Variants in ULK2 observed in about 807,000 individuals in gnomAD.
ULK2 encodes the protein serine/threonine-protein kinase ULK2.
Under a neutral mutation model 127.5 loss-of-function variants are expected in ULK2, and 76 were observed. That is an observed-to-expected ratio of 0.60 (90% CI 0.50 to 0.72). The LOEUF (loss-of-function observed/expected upper bound fraction) is 0.72. Among genes scored for constraint, ULK2 ranks in the 30% least tolerant of loss-of-function variants. ULK2 has a pLI of 0.00. For missense variants in ULK2, 1,144 were observed against 1,295.9 expected (o/e 0.88, Z 1.80); for synonymous variants, 452 against 461.9 (o/e 0.98, Z 0.28).
chr17:19,864,280 C>G (rs1159597352), intron 3 of ULK2, among the ~76,000 whole-genome samples: 1 of 152,148 alleles, frequency 6.6e-6, no homozygotes, highest in Non-Finnish European at 1.5e-5. Flanking sequence ...CAAGCCTGGC[C>G]AACATGGTGA....
At position 19,806,451 on chromosome 17, in the gene ULK2, A is replaced by G. The variant is rs79483691; in HGVS notation, c.1158-1621T>C. On this transcript the variant is annotated intron_variant, in intron 14 of 26. Coordinates refer to ENST00000395544, the MANE Select transcript of ULK2 (RefSeq NM_014683.4). Reference sequence around the variant, plus strand: ...CCTCATAATTCTAAGCACCTCTCTCAGGTAATCTCAGCTGGCTTCTCTAAC... The same window carrying G: ...CCTCATAATTCTAAGCACCTCTCTCGGGTAATCTCAGCTGGCTTCTCTAAC... Among the ~76,000 whole-genome samples the G allele has an allele frequency of 5.1e-4, 78 of 152,306 alleles. No individual in the cohort carries two copies. In the East Asian group the frequency reaches 0.011, roughly 21 times the overall value.
At position 19,796,110 on chromosome 17, in the gene ULK2, T is replaced by C. The variant is rs1333270937; in HGVS notation, c.1982A>G (p.Lys661Arg). The C allele has an allele frequency of 6.2e-7, 1 of 1,612,868 alleles. No individual in the cohort carries two copies. The highest frequency in any genetic ancestry group is 1.3e-5 in the African/African-American group (1 of 74,994). ...SERQRAEQQS[K>R]AVFGRSVSTG... is the part of the protein sequence containing the mutation. ...AGTCTTTTACCTGCCAAACACTGCC[T>C]TGCTCTGCTGCTCGGCCCGCTGCCT... The change falls in exon 19 of 27, where the codon AAG becomes AGG. Residue 661 changes from lysine to arginine, a missense_variant. Transcript: ENST00000395544.
At position 19,780,609 on chromosome 17, in the gene ULK2, G is replaced by A. The variant is rs1179488802; in HGVS notation, c.2779C>T (p.Arg927Ter). ...CACATGGTGATGCAGAATTTATATC[G>A]TTCGTTCAGATTCTTGACAACTGAA... is the stretch of plus-strand genomic sequence containing the variant. ...VKQVVKNLNE[R>*]YKFCITMCKK... The change falls in exon 25 of 27, where the codon CGA becomes TGA. Residue 927 changes from arginine (R) to a stop codon, truncating the protein, a stop_gained. Coordinates refer to ENST00000395544, the MANE Select transcript of ULK2 (RefSeq NM_014683.4). LOFTEE classifies it high-confidence loss of function. 22 of 1,605,766 alleles carry A rather than the reference G, an allele frequency of 1.4e-5. No individual in the cohort carries two copies. The highest frequency in any genetic ancestry group is 1.8e-5 in the Non-Finnish European group (21 of 1,177,490).
intron 16 of ULK2, 149 bp downstream of exon 16, chr17:19,801,628 T>G: frequency 1.1e-6 from 1 of 940,372 alleles, no homozygotes; most frequent in South Asian, 1.7e-5. Context: ...GGAGTTGGGA[T>G]TGGGGTAAAG....
intron 5 of ULK2, among the ~76,000 whole-genome samples, chr17:19,847,346 C>A (rs1873175464): frequency 6.6e-6 from 1 of 152,172 alleles, no homozygotes; most frequent in African/African-American, 2.4e-5. Context: ...CAAGCAAAAT[C>A]TTTGACCAGA....
intron 8 of ULK2, 48 bp downstream of exon 8, chr17:19,843,073 A>T (rs1293769275): frequency 7.0e-7 from 1 of 1,425,522 alleles, no homozygotes. Flanking sequence ...CGCAACTATA[A>T]AATGACAAGA....
chr17:19,790,146 G>A (rs993435884), intron 20 of ULK2, among the ~76,000 whole-genome samples: 6 of 152,178 alleles, frequency 3.9e-5, no homozygotes, highest in Non-Finnish European at 8.8e-5. Flanking sequence ...GCCGGGAGTG[G>A]TGGCTCAAGC....
At chr17:19,857,785 A>T (rs1386914101) in intron 3 of ULK2, among the ~76,000 whole-genome samples, 1 of 152,152 alleles carries the variant, frequency 6.6e-6, no homozygotes, top group East Asian at 1.9e-4. Context: ...TAAAGATCAG[A>T]TCTGGCTCCT....
rs1209406157 is a variant in ULK2 at position 19,849,755 on chromosome 17, AAGAC to A, written c.241_244del (p.Val81PhefsTer3). On this transcript the variant is annotated frameshift_variant, in exon 4 of 27. Transcript: ENST00000395544. LOFTEE classifies it high-confidence loss of function. ...TATACTACCTACCTCCATCACCAAA[AAGAC>A]AGAGTTGGGTAATTCCTGAAAAGTA... 6.5e-7 allele frequency: 1 copy of A among 1,549,570 alleles called. No homozygotes were observed. The highest frequency in any genetic ancestry group is 1.7e-4 in the Middle Eastern group (1 of 5,860).
rs1423968194 is a variant in ULK2, at chr17:19,775,654, G to A, written c.*695C>T. The A allele has an allele frequency of 3.3e-5, 5 of 152,416 alleles. No individual in the cohort carries two copies. Among genetic ancestry groups the A allele is most frequent in the Non-Finnish European group, 7.4e-5 (5 of 68,020 alleles). The allele number at this position is 152,416 out of a possible 1,614,324, so 9.4% of individuals were successfully genotyped here. ...CACTGGAGATTACATGTGAATTCTG[G>A]AAAGGGTCTATGTATACAATCAAGT... On this transcript the variant is annotated 3_prime_UTR_variant, in exon 27 of 27. Coordinates refer to ENST00000395544, the MANE Select transcript of ULK2 (RefSeq NM_014683.4).
intron 16 of ULK2, among the ~76,000 whole-genome samples, chr17:19,800,127 C>G (rs2087365662): frequency 6.6e-6 from 1 of 152,214 alleles, no homozygotes; most frequent in Admixed American, 6.5e-5. Flanking sequence ...TGAGACTCTT[C>G]CTGGCCAGCT....
chr17:19,846,983 AT>A (rs2041899576), intron 5 of ULK2, 73 bp from the exon 6 acceptor site: 1 of 1,440,498 alleles, frequency 6.9e-7, no homozygotes, highest in African/African-American at 1.4e-5. Context: ...CATCAACAGG[AT>A]TGGGTTGTGA....
intron 13 of ULK2, among the ~76,000 whole-genome samples, chr17:19,815,735 T>C (rs2040972625): frequency 6.6e-6 from 1 of 152,232 alleles, no homozygotes. Context: ...TTAATTACTT[T>C]TGGTAAATAA....
chr17:19,849,701 A>C (rs2152399368), intron 4 of ULK2, 41 bp downstream of exon 4: 1 of 1,370,882 alleles, frequency 7.3e-7, no homozygotes, highest in East Asian at 2.5e-5. Flanking sequence ...AAAAAAAAAG[A>C]AATTTGAAAT....
chr17:19,848,146 AG>A (rs2041932377), intron 5 of ULK2: 1 of 152,210 alleles, frequency 6.6e-6, no homozygotes, highest in South Asian at 2.1e-4. Context: ...TATTAAAAAA[AG>A]AAAAAAATTA....
At chr17:19,835,638 A>G (rs1472599900) in intron 10 of ULK2, among the ~76,000 whole-genome samples, 1 of 149,540 alleles carries the variant, frequency 6.7e-6, no homozygotes, top group Non-Finnish European at 1.5e-5. Context: ...AATGGCATGA[A>G]CCCAGGAGGC....
rs1417937400 is a variant in ULK2, at chr17:19,786,016, G to T, written c.2172C>A (p.Leu724=). 6.3e-7 allele frequency: 1 copy of T among 1,581,544 alleles called. No homozygotes were observed. Residue 724 remains leucine, a synonymous_variant, in exon 21 of 27, where the codon CTC becomes CTA. Coordinates refer to ENST00000395544, the MANE Select transcript of ULK2 (RefSeq NM_014683.4). The part of the protein sequence containing the change: ...AGTAASSKAV[L]FTVGSPPHSA... ...TGTGTGGAGGAGACCCTACAGTGAA[G>T]AGGACAGCCTTGGAACTTGCTGCTG...
At chr17:19,845,734 G>A (rs1415221929) in intron 6 of ULK2, among the ~76,000 whole-genome samples, 1 of 152,066 alleles carries the variant, frequency 6.6e-6, no homozygotes, top group East Asian at 1.9e-4. Context: ...ATAATTTTGA[G>A]GTACTACTAA....
chr17:19,793,289 T>C (rs1047845097), intron 20 of ULK2, among the ~76,000 whole-genome samples: 2 of 152,166 alleles, frequency 1.3e-5, no homozygotes, highest in Non-Finnish European at 2.9e-5. Flanking sequence ...GGCTCTCCCC[T>C]GACACATGGA....
Sources: gnomAD v4.1 joint callset for allele counts (sites outside exome capture counted in the v4.1 genomes callset) on GRCh38, gnomAD v4.1.1 for gene constraint, MANE v1.5 for transcripts, NCBI Gene and HGNC (gene_info 2026-07-23, HGNC 2026-07-21) for gene names.